The following FSTL4 variants were observed in gnomAD, a reference collection of about 807,000 sequenced individuals.
FSTL4 encodes the protein follistatin-related protein 4.
A neutral mutation model predicts 78.2 loss-of-function variants in FSTL4; 28 were observed. The observed-to-expected ratio is 0.36, with a 90% CI of 0.27 to 0.49. The LOEUF is 0.49. FSTL4 is among the 20% of genes least tolerant of loss of function. The pLI is 0.98. For missense variants in FSTL4, 922 were observed against 1,084.9 expected (o/e 0.85, Z 2.11); for synonymous variants, 422 against 440.5 (o/e 0.96, Z 0.53).
intron 2 of FSTL4, among the ~76,000 whole-genome samples, chr5:133,583,033 C>T (rs1236565733): frequency 6.6e-6 from 1 of 152,152 alleles, no homozygotes; most frequent in Non-Finnish European, 1.5e-5. Flanking sequence ...CCTGACACTT[C>T]CACCTCTAAG....
chr5:133,258,747 T>G (rs1752442507), intron 6 of FSTL4, among the ~76,000 whole-genome samples: 1 of 152,112 alleles, frequency 6.6e-6, no homozygotes, highest in Non-Finnish European at 1.5e-5. Flanking sequence ...ACTACACTAC[T>G]GAGATTTTGG....
intron 2 of FSTL4, among the ~76,000 whole-genome samples, chr5:133,569,494 A>G (rs1031726016): frequency 1.3e-5 from 2 of 152,124 alleles, no homozygotes; most frequent in Admixed American, 1.3e-4. Flanking sequence ...TCCTTTACTC[A>G]TTTGTTTATT....
intron 4 of FSTL4, among the ~76,000 whole-genome samples, chr5:133,374,989 C>T (rs1257413361): frequency 6.6e-6 from 1 of 152,110 alleles, no homozygotes; most frequent in Non-Finnish European, 1.5e-5. Flanking sequence ...AGACAGAAAT[C>T]TTGGAGTCCC....
At chr5:133,495,376 G>C (rs764145939) in intron 3 of FSTL4, among the ~76,000 whole-genome samples, 1 of 152,222 alleles carries the variant, frequency 6.6e-6, no homozygotes, top group Non-Finnish European at 1.5e-5. Flanking sequence ...GGAGGCAGCT[G>C]TTCTAACAGT....
At chr5:133,840,919 G>C in the FSTL4 span, among the ~76,000 whole-genome samples, 1 of 152,260 alleles carries the variant, frequency 6.6e-6, no homozygotes, top group Non-Finnish European at 1.5e-5. Flanking sequence ...TGCTGTGCAG[G>C]TTTGTGTGTG....
intron 4 of FSTL4, among the ~76,000 whole-genome samples, chr5:133,358,041 C>T (rs1316010363): frequency 1.3e-5 from 2 of 152,172 alleles, no homozygotes. Context: ...TGCAGTGGAC[C>T]CAGGGCCACC....
At chr5:133,673,060 G>C in the FSTL4 span, among the ~76,000 whole-genome samples, 2 of 152,348 alleles carry the variant, frequency 1.3e-5, no homozygotes, top group East Asian at 3.9e-4. Flanking sequence ...CCAGGTCACA[G>C]ATGGGTGATA....
At chr5:133,702,818 G>T in the FSTL4 span, among the ~76,000 whole-genome samples, 2 of 152,170 alleles carry the variant, frequency 1.3e-5, no homozygotes, top group East Asian at 1.9e-4. Flanking sequence ...CTGTTCGTAC[G>T]CAGAGCCTGG....
the FSTL4 span, among the ~76,000 whole-genome samples, chr5:133,825,667 G>A: frequency 6.6e-6 from 1 of 152,208 alleles, no homozygotes; most frequent in Non-Finnish European, 1.5e-5. Flanking sequence ...TCACCAGTAG[G>A]CATCAAAGCC....
At position 133,239,961 on chromosome 5, in the gene FSTL4, T is replaced by C. The variant is rs534595387; in HGVS notation, c.895-6424A>G. Among the ~76,000 whole-genome samples, 51 of 152,312 alleles carry C rather than the reference T, an allele frequency of 3.3e-4. 1 individual carries two copies. In the South Asian group the frequency reaches 0.011, roughly 32 times the overall value. On this transcript the variant is annotated intron_variant, in intron 7 of 15. Transcript: ENST00000265342. ...ATGTGGGTGGGGCCAGATAAGAGAA[T>C]AAAAGCAGACCTCCGGAGTCAGAAG...
At chr5:133,713,293 C>T in the FSTL4 span, among the ~76,000 whole-genome samples, 1 of 152,180 alleles carries the variant, frequency 6.6e-6, no homozygotes, top group Non-Finnish European at 1.5e-5. Context: ...GTATAATCAT[C>T]TAACATTTGC....
chr5:133,628,327 T>A, the FSTL4 span, among the ~76,000 whole-genome samples: 1 of 151,716 alleles, frequency 6.6e-6, no homozygotes. Context: ...CATCAGGAGC[T>A]GATTTTTTTT....
chr5:133,784,192 A>G, the FSTL4 span, among the ~76,000 whole-genome samples: 2 of 152,216 alleles, frequency 1.3e-5, no homozygotes, highest in Non-Finnish European at 2.9e-5. Flanking sequence ...AGATCTATCA[A>G]TCTTTACTAT....
intron 6 of FSTL4, among the ~76,000 whole-genome samples, chr5:133,278,102 C>T (rs1282751997): frequency 2.0e-5 from 3 of 152,264 alleles, no homozygotes; most frequent in East Asian, 3.9e-4. Context: ...GGATCACCCC[C>T]AGCACATCAG....
At chr5:133,571,146 G>A (rs1483383067) in intron 2 of FSTL4, among the ~76,000 whole-genome samples, 1 of 151,876 alleles carries the variant, frequency 6.6e-6, no homozygotes, top group Non-Finnish European at 1.5e-5. Flanking sequence ...TATAGATTTT[G>A]AAAGTACATG....
At chr5:133,205,256 C>CTCTT (rs1468305223) in intron 14 of FSTL4, among the ~76,000 whole-genome samples, 2 of 152,042 alleles carry the variant, frequency 1.3e-5, no homozygotes, top group African/African-American at 4.8e-5. Flanking sequence ...TACATGTTTT[C>CTCTT]TCTTTCAATT....
At chr5:133,715,033 C>A in the FSTL4 span, among the ~76,000 whole-genome samples, 2 of 152,228 alleles carry the variant, frequency 1.3e-5, no homozygotes. Flanking sequence ...TCGGCATAGA[C>A]ATTACTCAGT....
At chr5:133,205,814 C>G (rs867850428) in intron 14 of FSTL4, among the ~76,000 whole-genome samples, 10 of 152,086 alleles carry the variant, frequency 6.6e-5, no homozygotes, top group Admixed American at 1.3e-4. Flanking sequence ...AAATTCAAAG[C>G]CAGACAAATC....
chr5:133,701,775 G>A, the FSTL4 span, among the ~76,000 whole-genome samples: 4 of 152,128 alleles, frequency 2.6e-5, no homozygotes, highest in South Asian at 2.1e-4. Context: ...ACACGTTTGC[G>A]TGTTTTCCCC....
Sources: allele counts gnomAD v4.1 joint callset (sites outside exome capture counted in the v4.1 genomes callset), GRCh38; gene constraint gnomAD v4.1.1; transcripts MANE v1.5; gene names NCBI Gene and HGNC (gene_info 2026-07-23, HGNC 2026-07-21).